FEZ2: variants seen among roughly 807,000 people sequenced by gnomAD.
FEZ2 encodes fasciculation and elongation protein zeta-2.
In FEZ2, 51 loss-of-function variants were observed where a neutral mutation model predicts 40.4. That is an observed-to-expected ratio of 1.26 (90% CI 1.01 to 1.59). The LOEUF (loss-of-function observed/expected upper bound fraction) is 1.59, where lower values mean the gene tolerates loss of function less well. Among genes scored for constraint, FEZ2 ranks in the 40% most tolerant of loss-of-function variants. The pLI, the probability that FEZ2 is intolerant of heterozygous loss-of-function variation, is 0.00. For missense variants in FEZ2, 640 were observed against 438.3 expected (o/e 1.46, Z -4.11); for synonymous variants, 242 against 172.0 (o/e 1.41, Z -3.18).
At chr2:36,576,742 T>A (rs1392765347) in intron 5 of FEZ2, among the ~76,000 whole-genome samples, 2 of 152,236 alleles carry the variant, frequency 1.3e-5, no homozygotes, top group African/African-American at 4.8e-5. Context: ...TCAAGACCAA[T>A]GAAGGCTGAA....
rs182957849 is a variant in FEZ2 at position 36,569,116 on chromosome 2, T to C, written c.903+9481A>G. Among the ~76,000 whole-genome samples the C allele has an allele frequency of 2.4e-3, 361 of 152,320 alleles. 1 individual carries two copies. Among genetic ancestry groups the C allele is most frequent in the Non-Finnish European group, 2.6e-3 (177 of 68,022 alleles). On this transcript the variant is annotated intron_variant, in intron 5 of 7. Transcript: ENST00000405912. ...TGTTAAGCTTTTGTTTACTCATTTA[T>C]GAAATGGAAATAATAACAATAATAC...
intron 5 of FEZ2, among the ~76,000 whole-genome samples, chr2:36,574,179 C>T (rs1257465042): frequency 6.6e-6 from 1 of 152,106 alleles, no homozygotes; most frequent in African/African-American, 2.4e-5. Context: ...ATCTTATATA[C>T]ATTATTTCAT....
Position 36,553,160 on chromosome 2 carries a change from G to C in FEZ2, c.*3C>G, listed in dbSNP as rs1226618885. 2 of 1,566,006 alleles carry C rather than the reference G, an allele frequency of 1.3e-6. No individual in the cohort carries two copies. Among genetic ancestry groups the C allele is most frequent in the East Asian group, 4.7e-5 (2 of 42,706 alleles). On this transcript the variant is annotated 3_prime_UTR_variant, in exon 8 of 8. Coordinates refer to ENST00000405912, the MANE Select transcript of FEZ2 (RefSeq NM_005102.3). ...GGAGCCCACCGCAGATAAAGTTGCT[G>C]CTCTATGTAGGACACAGAACTAGAA... is the stretch of plus-strand genomic sequence containing the variant.
At chr2:36,588,652 A>C (rs1017341383) in intron 2 of FEZ2, among the ~76,000 whole-genome samples, 3 of 152,110 alleles carry the variant, frequency 2.0e-5, no homozygotes, top group African/African-American at 7.2e-5. Flanking sequence ...ACCTAATACA[A>C]GGTAAATGGT....
chr2:36,581,486 T>A, intron 3 of FEZ2, 55 bp from the exon 4 acceptor site: 1 of 1,547,978 alleles, frequency 6.5e-7, no homozygotes, highest in Non-Finnish European at 8.9e-7. Context: ...AAATGATCTA[T>A]CTGGAACACA....
At chr2:36,580,335 A>T (rs1453132513) in intron 4 of FEZ2, among the ~76,000 whole-genome samples, 1 of 152,206 alleles carries the variant, frequency 6.6e-6, no homozygotes, top group Non-Finnish European at 1.5e-5. Flanking sequence ...ATACAACCCA[A>T]AGGTCTTTAG....
chr2:36,572,119 G>A (rs1007823212), intron 5 of FEZ2, among the ~76,000 whole-genome samples: 5 of 149,650 alleles, frequency 3.3e-5, no homozygotes, highest in Non-Finnish European at 5.9e-5. Flanking sequence ...TTATCACTGT[G>A]TATAATACAA....
chr2:36,584,274 A>G (rs1668837819), intron 2 of FEZ2, among the ~76,000 whole-genome samples: 1 of 152,158 alleles, frequency 6.6e-6, no homozygotes, highest in African/African-American at 2.4e-5. Context: ...TTCTCCCACA[A>G]GGCCAATCTC....
At chr2:36,554,990 AT>A (rs1407298600) in intron 7 of FEZ2, among the ~76,000 whole-genome samples, 4 of 152,222 alleles carry the variant, frequency 2.6e-5, no homozygotes, top group Non-Finnish European at 4.4e-5. Flanking sequence ...CTTTAAAAAA[AT>A]ATTTCATCGT....
chr2:36,573,102 AAC>A (rs1285253952), intron 5 of FEZ2, among the ~76,000 whole-genome samples: 1 of 152,194 alleles, frequency 6.6e-6, no homozygotes, highest in Non-Finnish European at 1.5e-5. Flanking sequence ...GGTGGAGTGT[AAC>A]ACAGTAGAAA....
chr2:36,565,598 G>A (rs1330241700), intron 5 of FEZ2, among the ~76,000 whole-genome samples: 3 of 151,990 alleles, frequency 2.0e-5, no homozygotes, highest in East Asian at 3.9e-4. Context: ...CTGACCTCCG[G>A]GTGCAACTCA....
intron 5 of FEZ2, among the ~76,000 whole-genome samples, chr2:36,562,180 G>A (rs1188248526): frequency 6.6e-6 from 1 of 151,992 alleles, no homozygotes; most frequent in Non-Finnish European, 1.5e-5. Context: ...ATTTTTTCAT[G>A]ATTTTGTAAA....
intron 7 of FEZ2, among the ~76,000 whole-genome samples, chr2:36,553,666 G>T (rs991889443): frequency 2.0e-5 from 3 of 152,156 alleles, no homozygotes; most frequent in Admixed American, 1.3e-4. Flanking sequence ...AGCTCAATTA[G>T]CCCATACAGT....
chr2:36,577,421 C>T (rs1193341590), intron 5 of FEZ2, among the ~76,000 whole-genome samples: 1 of 152,130 alleles, frequency 6.6e-6, no homozygotes, highest in Admixed American at 6.5e-5. Flanking sequence ...CCACACCCGG[C>T]TAATTTTATA....
At chr2:36,579,580 T>C (rs1668674537) in intron 4 of FEZ2, among the ~76,000 whole-genome samples, 1 of 151,930 alleles carries the variant, frequency 6.6e-6, no homozygotes, top group Non-Finnish European at 1.5e-5. Context: ...GCTCCAGCCA[T>C]GTGAAGATAC....
chr2:36,567,500 G>A (rs1442793536), intron 5 of FEZ2, among the ~76,000 whole-genome samples: 8 of 152,054 alleles, frequency 5.3e-5, no homozygotes, highest in Non-Finnish European at 8.8e-5. Flanking sequence ...GGAGGCTCAC[G>A]CCTGTAATCC....
At chr2:36,578,273 C>T (rs1298779149) in intron 5 of FEZ2, among the ~76,000 whole-genome samples, 5 of 152,368 alleles carry the variant, frequency 3.3e-5, no homozygotes, top group South Asian at 4.1e-4. Context: ...CCACTCTTCA[C>T]ATTTTGATGT....
At chr2:36,578,503 G>A in intron 5 of FEZ2, 94 bp downstream of exon 5, 1 of 1,303,166 alleles carries the variant, frequency 7.7e-7, no homozygotes, top group Non-Finnish European at 1.1e-6. Flanking sequence ...TCCTGCCCAT[G>A]TACAACCTGT....
chr2:36,569,324 G>C (rs763314475), intron 5 of FEZ2, among the ~76,000 whole-genome samples: 15 of 152,150 alleles, frequency 9.9e-5, no homozygotes, highest in South Asian at 2.1e-4. Context: ...CTTTTCTCCA[G>C]AACAGCAAAA....
Sources: gnomAD v4.1 joint callset for allele counts (sites outside exome capture counted in the v4.1 genomes callset) on GRCh38, gnomAD v4.1.1 for gene constraint, MANE v1.5 for transcripts, NCBI Gene and HGNC (gene_info 2026-07-23, HGNC 2026-07-21) for gene names.